Variants in TNR observed in about 807,000 individuals in gnomAD.
TNR encodes the protein tenascin-R.
Under a neutral mutation model 150.4 loss-of-function variants are expected in TNR, and 45 were observed. The ratio of observed to expected loss-of-function variants is 0.30; its 90% CI spans 0.24 to 0.38. TNR has a LOEUF of 0.38. Ranked by LOEUF, TNR falls within the 10% of genes least tolerant of loss-of-function variation. The pLI, the probability that TNR is intolerant of heterozygous loss-of-function variation, is 1.00. For missense variants in TNR, 1,544 were observed against 1,759.1 expected, an observed-to-expected ratio of 0.88 and a Z score of 2.19; for synonymous variants, 687 against 678.4, an observed-to-expected ratio of 1.01 and a Z score of -0.20.
intron 1 of TNR, among the ~76,000 whole-genome samples, chr1:175,717,888 T>G (rs1164805186): frequency 6.6e-6 from 1 of 152,176 alleles, no homozygotes; most frequent in African/African-American, 2.4e-5. Flanking sequence ...GTTCTGCCCT[T>G]CATAGATACC....
intron 1 of TNR, among the ~76,000 whole-genome samples, chr1:175,587,981 C>T (rs532868276): frequency 2.0e-5 from 3 of 152,254 alleles, no homozygotes; most frequent in African/African-American, 7.2e-5. Flanking sequence ...GGGTCATTGG[C>T]TTGACTGACT....
In TNR at chr1:175,615,365, T is replaced by A. The variant is rs527729746; in HGVS notation, c.-164-86996A>T. ...TCTGGGCAGGTGATTAAACAGTAAC[T>A]CCTCCTTTTTCAGAAACTGGATTTT... On this transcript the variant is annotated intron_variant, in intron 1 of 22. Transcript: ENST00000367674. Among the ~76,000 whole-genome samples, 32 of 152,292 alleles carry A rather than the reference T, an allele frequency of 2.1e-4. No homozygotes were observed. The South Asian group carries it at 2.3e-3, about 11-fold the overall frequency.
At chr1:175,717,878 G>A (rs924978490) in intron 1 of TNR, among the ~76,000 whole-genome samples, 1 of 152,176 alleles carries the variant, frequency 6.6e-6, no homozygotes, top group Non-Finnish European at 1.5e-5. Flanking sequence ...CTAATAAATT[G>A]TTCTGCCCTT....
rs545876617 is a variant in TNR, at chr1:175,403,254, C to T, written c.862G>A (p.Val288Ile). 3.7e-5 allele frequency: 60 copies of T among 1,614,158 alleles called. 1 individual carries two copies. Among genetic ancestry groups the T allele is most frequent in the Middle Eastern group, 3.3e-4 (2 of 6,062 alleles). ...TGCCGCTGGCCGCAGTCCTCACCAA[C>T]GTAGCCCTCCTCGCATAAACAGGTA... Reference protein sequence around the residue: ...NGTCLCEEGYVGEDCGQRQCL... With the variant: ...NGTCLCEEGYIGEDCGQRQCL... The change falls in exon 4 of 23, where the codon GTT (valine) becomes ATT (isoleucine). Residue 288 changes from valine to isoleucine, a missense_variant. By Grantham distance (29) the Val-to-Ile change is conservative (BLOSUM62 3). Transcript: ENST00000367674.
chr1:175,733,424 T>C (rs1408417406), intron 1 of TNR, among the ~76,000 whole-genome samples: 1 of 152,148 alleles, frequency 6.6e-6, no homozygotes, highest in Non-Finnish European at 1.5e-5. Flanking sequence ...AGGGCTCTGT[T>C]GGGTCAGAGT....
intron 1 of TNR, among the ~76,000 whole-genome samples, chr1:175,723,041 C>G (rs544066173): frequency 6.6e-6 from 1 of 152,110 alleles, no homozygotes. Flanking sequence ...CTGCCCACCT[C>G]GGCCTCCCAA....
intron 2 of TNR, among the ~76,000 whole-genome samples, chr1:175,443,737 AAAG>A (rs1007441033): frequency 2.6e-5 from 4 of 152,146 alleles, no homozygotes; most frequent in Non-Finnish European, 5.9e-5. Flanking sequence ...GTCCATGAGA[AAAG>A]AAGATGATGA....
intron 2 of TNR, among the ~76,000 whole-genome samples, chr1:175,413,089 G>A (rs1297772286): frequency 6.6e-6 from 1 of 152,086 alleles, no homozygotes; most frequent in Non-Finnish European, 1.5e-5. Context: ...GCAGTGGCAC[G>A]ATCTCTGCTC....
chr1:175,496,195 AT>A (rs1658481312), intron 2 of TNR, among the ~76,000 whole-genome samples: 1 of 152,118 alleles, frequency 6.6e-6, no homozygotes, highest in South Asian at 2.1e-4. Context: ...AGAAAATGGT[AT>A]CTGTGTCCCT....
At chr1:175,555,869 T>C (rs1421774100) in intron 1 of TNR, among the ~76,000 whole-genome samples, 1 of 152,192 alleles carries the variant, frequency 6.6e-6, no homozygotes, top group East Asian at 1.9e-4. Context: ...CAACCATGAG[T>C]TGTGTGGCTA....
chr1:175,514,594 G>T (rs1659326711), intron 2 of TNR, among the ~76,000 whole-genome samples: 2 of 152,242 alleles, frequency 1.3e-5, no homozygotes, highest in African/African-American at 4.8e-5. Flanking sequence ...AAGTTTTTGT[G>T]TAGGGAGATG....
intron 1 of TNR, among the ~76,000 whole-genome samples, chr1:175,730,713 A>T (rs779480254): frequency 6.6e-6 from 1 of 152,228 alleles, no homozygotes; most frequent in Non-Finnish European, 1.5e-5. Context: ...AAGAAATAAC[A>T]TACATATATA....
intron 1 of TNR, among the ~76,000 whole-genome samples, chr1:175,552,404 A>C (rs1003242371): frequency 6.6e-6 from 1 of 152,216 alleles, no homozygotes; most frequent in Non-Finnish European, 1.5e-5. Context: ...AACTGTAATC[A>C]TGTCTTCTAC....
At chr1:175,561,320 G>T (rs112856880) in intron 1 of TNR, among the ~76,000 whole-genome samples, 4 of 152,174 alleles carry the variant, frequency 2.6e-5, no homozygotes, top group African/African-American at 9.6e-5. Context: ...AAATGCTATT[G>T]CTTGTCTGCT....
At chr1:175,525,169 G>A (rs1054559271) in intron 2 of TNR, among the ~76,000 whole-genome samples, 11 of 152,076 alleles carry the variant, frequency 7.2e-5, no homozygotes, top group African/African-American at 2.7e-4. Flanking sequence ...TTTTTGCTTG[G>A]CACTTCTCCT....
At chr1:175,413,747 C>G (rs1654314385) in intron 2 of TNR, among the ~76,000 whole-genome samples, 1 of 152,120 alleles carries the variant, frequency 6.6e-6, no homozygotes, top group Non-Finnish European at 1.5e-5. Flanking sequence ...TGCTGAAATT[C>G]CCAAGAGGAT....
At chr1:175,378,380 G>A (rs1652509977) in intron 9 of TNR, among the ~76,000 whole-genome samples, 1 of 152,092 alleles carries the variant, frequency 6.6e-6, no homozygotes, top group Admixed American at 6.5e-5. Context: ...AACCAAATAT[G>A]GTGCAATGTT....
intron 1 of TNR, among the ~76,000 whole-genome samples, chr1:175,601,390 C>G (rs1663230787): frequency 6.6e-6 from 1 of 152,154 alleles, no homozygotes; most frequent in Non-Finnish European, 1.5e-5. Context: ...CTTTGGGGGA[C>G]TTAGTGTGTG....
At chr1:175,620,327 G>A (rs1416815222) in intron 1 of TNR, among the ~76,000 whole-genome samples, 1 of 152,206 alleles carries the variant, frequency 6.6e-6, no homozygotes, top group African/African-American at 2.4e-5. Flanking sequence ...TGTGAGCTGA[G>A]CTTGGAAGCC....
Sources: gnomAD v4.1 joint callset for allele counts (sites outside exome capture counted in the v4.1 genomes callset) on GRCh38, gnomAD v4.1.1 for gene constraint, MANE v1.5 for transcripts, NCBI Gene and HGNC (gene_info 2026-07-23, HGNC 2026-07-21) for gene names.